STARD13: variants seen among roughly 807,000 people sequenced by gnomAD.
STARD13 encodes the protein StAR related lipid transfer domain containing 13.
Under a neutral mutation model 106.4 loss-of-function variants are expected in STARD13, and 62 were observed. The observed-to-expected ratio is 0.58, with a 90% CI of 0.48 to 0.72. The LOEUF (loss-of-function observed/expected upper bound fraction) is 0.72, where lower values mean the gene tolerates loss of function less well. Among genes scored for constraint, STARD13 ranks in the 30% least tolerant of loss-of-function variants. STARD13 has a pLI of 0.00. For missense variants in STARD13, 1,387 were observed against 1,424.0 expected (o/e 0.97, Z 0.42); for synonymous variants, 565 against 553.0 (o/e 1.02, Z -0.31).
At chr13:33,401,616 C>T in the STARD13 span, among the ~76,000 whole-genome samples, 3 of 152,334 alleles carry the variant, frequency 2.0e-5, no homozygotes, top group Admixed American at 2.0e-4. Context: ...CTTCTTGTCT[C>T]TCCTCACTAG....
the STARD13 span, among the ~76,000 whole-genome samples, chr13:33,449,286 G>A: frequency 8.3e-3 from 1,260 of 152,224 alleles, 16 homozygotes; most frequent in African/African-American, 0.029. Flanking sequence ...TGTCTATGGT[G>A]AGAGAAAAGG....
intron 1 of STARD13, among the ~76,000 whole-genome samples, chr13:33,308,283 T>C (rs779335311): frequency 4.0e-4 from 61 of 152,206 alleles, no homozygotes; most frequent in Non-Finnish European, 7.8e-4. Context: ...ATAAGCGGTG[T>C]ACAGACAGTG....
the STARD13 span, among the ~76,000 whole-genome samples, chr13:33,468,199 A>C: frequency 2.0e-5 from 3 of 152,210 alleles, no homozygotes; most frequent in Non-Finnish European, 4.4e-5. Context: ...ATCGGAATTT[A>C]TAAATTTTTC....
At chr13:33,277,984 C>A (rs1891541930) in intron 1 of STARD13, among the ~76,000 whole-genome samples, 1 of 152,134 alleles carries the variant, frequency 6.6e-6, no homozygotes, top group African/African-American at 2.4e-5. Flanking sequence ...CTCCAAAACA[C>A]AACTTCAAAG....
chr13:33,544,770 CT>C, the STARD13 span, among the ~76,000 whole-genome samples: 2,394 of 108,710 alleles, frequency 0.022, 24 homozygotes, highest in African/African-American at 0.073. Context: ...TGTTTTTTCT[CT>C]TTTTTTTTTT....
At chr13:33,638,119 T>C in the STARD13 span, among the ~76,000 whole-genome samples, 1 of 152,228 alleles carries the variant, frequency 6.6e-6, no homozygotes, top group Non-Finnish European at 1.5e-5. Flanking sequence ...GAGTGACTAA[T>C]GGCCCATGAC....
At chr13:33,557,116 G>A in the STARD13 span, among the ~76,000 whole-genome samples, 1 of 152,254 alleles carries the variant, frequency 6.6e-6, no homozygotes, top group East Asian at 1.9e-4. Flanking sequence ...GAAGTCTTCT[G>A]TAAAGAAATC....
rs34128539 is a variant in STARD13 at position 33,112,707 on chromosome 13, G to GAA, written c.2492+12_2492+13dup. The GAA allele has an allele frequency of 8.3e-5, 130 of 1,560,768 alleles. No individual in the cohort carries two copies. Among genetic ancestry groups the GAA allele is most frequent in the Admixed American group, 4.0e-4 (21 of 52,286 alleles). On this transcript the variant is annotated intron_variant, in intron 9 of 13. Coordinates refer to ENST00000336934, the MANE Select transcript of STARD13 (RefSeq NM_178006.4). ...GCTTTGGGATTACTGTTGTTACTGA[G>GAA]AAAAAAAACCCACCGTGGAGAGCTT...
intron 3 of STARD13, among the ~76,000 whole-genome samples, chr13:33,160,078 C>A (rs1327582320): frequency 6.6e-6 from 1 of 152,164 alleles, no homozygotes; most frequent in Non-Finnish European, 1.5e-5. Flanking sequence ...CATTCCAGGA[C>A]TTACCTAAGT....
intron 1 of STARD13, among the ~76,000 whole-genome samples, chr13:33,301,670 C>T (rs1477538070): frequency 6.7e-6 from 1 of 149,820 alleles, no homozygotes; most frequent in Non-Finnish European, 1.5e-5. Context: ...CAGGTTCATG[C>T]CATTCTCCTG....
At chr13:33,670,017 AT>A in the STARD13 span, among the ~76,000 whole-genome samples, 1 of 152,202 alleles carries the variant, frequency 6.6e-6, no homozygotes, top group Non-Finnish European at 1.5e-5. Context: ...CCTGAGTAAC[AT>A]TTAAATAAAT....
the STARD13 span, among the ~76,000 whole-genome samples, chr13:33,634,051 T>C: frequency 2.0e-5 from 3 of 152,222 alleles, no homozygotes; most frequent in African/African-American, 4.8e-5. Flanking sequence ...GATGATTCAA[T>C]GATCATTTTT....
chr13:33,362,123 A>G, the STARD13 span, among the ~76,000 whole-genome samples: 5 of 152,272 alleles, frequency 3.3e-5, no homozygotes, highest in South Asian at 6.2e-4. Context: ...AAGAAAATAG[A>G]TTTAATTAGC....
chr13:33,207,446 G>GT lies in STARD13; in HGVS notation c.170-39825_170-39824insA, dbSNP rs1460949475. 8.5e-4 allele frequency among the ~76,000 whole-genome samples: 129 copies of GT among 152,332 alleles called. 1 individual carries two copies. In the Middle Eastern group the frequency reaches 0.01, roughly 12 times the overall value. On this transcript the variant is annotated intron_variant, in intron 1 of 13. Transcript: ENST00000336934. ...TAAGAGGTACTCACTCTAAGAGAGG[G>GT]AGTATAGAGTATTGTGAGAAGCCTG... is the stretch of plus-strand genomic sequence containing the variant.
the STARD13 span, among the ~76,000 whole-genome samples, chr13:33,620,575 G>T: frequency 1.1e-4 from 17 of 152,048 alleles, no homozygotes; most frequent in Non-Finnish European, 1.3e-4. Context: ...GGGCCACCAT[G>T]CCCGGCCAGA....
chr13:33,153,496 G>C (rs1333205935), intron 3 of STARD13, among the ~76,000 whole-genome samples: 1 of 152,168 alleles, frequency 6.6e-6, no homozygotes, highest in Non-Finnish European at 1.5e-5. Context: ...ATGTTAAGCA[G>C]CCTGTGTGCC....
At chr13:33,380,202 G>A in the STARD13 span, among the ~76,000 whole-genome samples, 3 of 152,088 alleles carry the variant, frequency 2.0e-5, no homozygotes, top group Non-Finnish European at 4.4e-5. Flanking sequence ...CCTTACCAAC[G>A]TGGTGAATTC....
rs552871783 is a variant in STARD13, at chr13:33,130,480, C to T, written c.388-191G>A. Among the ~76,000 whole-genome samples the T allele has an allele frequency of 3.9e-5, 6 of 152,314 alleles. No homozygotes were observed. The East Asian group carries it at 1.2e-3, about 29-fold the overall frequency. ...GCACTGTCTTGTACATACCCTTCCT[C>T]CCAGTGGCCAGAGGACCCTTCTCAA... On this transcript the variant is annotated intron_variant, in intron 4 of 13. Transcript: ENST00000336934. The surrounding 1 kb of genome is among the most constrained non-coding windows in gnomAD (Gnocchi z 4.1).
chr13:33,608,095 T>TG, the STARD13 span, among the ~76,000 whole-genome samples: 4 of 152,098 alleles, frequency 2.6e-5, no homozygotes, highest in East Asian at 7.7e-4. Context: ...TTTGTAGAGA[T>TG]GGGGTCTCAC....
Sources: allele counts gnomAD v4.1 joint callset (sites outside exome capture counted in the v4.1 genomes callset), GRCh38; gene constraint gnomAD v4.1.1; non-coding constraint Gnocchi (gnomAD v3.1); transcripts MANE v1.5; gene names NCBI Gene and HGNC (gene_info 2026-07-23, HGNC 2026-07-21).